CAMTA1: variants seen among roughly 807,000 people sequenced by gnomAD.
CAMTA1 encodes calmodulin-binding transcription activator 1.
CAMTA1 carries 27 observed loss-of-function variants against 170.9 expected under a neutral mutation model. That is an observed-to-expected ratio of 0.16 (90% CI 0.12 to 0.22). The LOEUF is 0.22. CAMTA1 is among the 10% of genes least tolerant of loss of function. The probability of loss-of-function intolerance (pLI) is 1.00; values close to 1 mark genes in which losing one functional copy is unlikely to be tolerated. For synonymous variants in CAMTA1, 833 were observed against 891.5 expected (o/e 0.93, Z 1.17); for missense variants, 1,619 against 2,217.2 (o/e 0.73, Z 5.42).
intron 5 of CAMTA1, among the ~76,000 whole-genome samples, chr1:7,261,752 A>T (rs953962447): frequency 3.3e-5 from 5 of 152,242 alleles, no homozygotes; most frequent in Non-Finnish European, 7.3e-5. Flanking sequence ...CGGAGCTCCC[A>T]GGTAACATTC....
intron 6 of CAMTA1, among the ~76,000 whole-genome samples, chr1:7,514,825 G>A (rs1435409134): frequency 1.3e-4 from 20 of 152,182 alleles, no homozygotes; most frequent in Admixed American, 1.3e-3. Context: ...CGGGGCCCAA[G>A]AGGCCCGCCC....
At chr1:7,764,503 C>T (rs184147687) in intron 22 of CAMTA1, among the ~76,000 whole-genome samples, 3 of 152,298 alleles carry the variant, frequency 2.0e-5, no homozygotes, top group African/African-American at 4.8e-5. Context: ...ATCAACTTTG[C>T]AGAATACTCA....
chr1:7,735,946 T>A lies in CAMTA1; in HGVS notation c.3067-398T>A, dbSNP rs565800336. On this transcript the variant is annotated intron_variant, in intron 12 of 22. Transcript: ENST00000303635. ...CACCACCACGCCTGGCTAATTTTTGTATTTTTAGTAGAGATGGGGTTAGGG... is the reference window on the plus strand; with the variant it reads ...CACCACCACGCCTGGCTAATTTTTGAATTTTTAGTAGAGATGGGGTTAGGG... Among the ~76,000 whole-genome samples, 5 of 152,168 alleles carry A rather than the reference T, an allele frequency of 3.3e-5. No homozygotes were observed. The East Asian group carries it at 9.7e-4, about 29-fold the overall frequency.
At chr1:7,338,675 A>G (rs968895062) in intron 5 of CAMTA1, among the ~76,000 whole-genome samples, 1 of 152,182 alleles carries the variant, frequency 6.6e-6, no homozygotes, top group Non-Finnish European at 1.5e-5. Flanking sequence ...CACGAGAAAG[A>G]AAAAAAGTAG....
At position 7,199,367 on chromosome 1, in the gene CAMTA1, A is replaced by G. The variant is rs370922291; in HGVS notation, c.303-50124A>G. On this transcript the variant is annotated intron_variant, in intron 4 of 22. Coordinates refer to ENST00000303635, the MANE Select transcript of CAMTA1 (RefSeq NM_015215.4). Reference sequence around the variant, plus strand: ...CTTCTTTTGTTACTCAGTCCATGCGAGGTGGTGGCGTCAGCCCTGCTTCAG... The same window carrying G: ...CTTCTTTTGTTACTCAGTCCATGCGGGGTGGTGGCGTCAGCCCTGCTTCAG... Among the ~76,000 whole-genome samples the G allele has an allele frequency of 3.7e-4, 57 of 152,326 alleles. 1 individual carries two copies. The highest frequency in any genetic ancestry group is 1.3e-3 in the African/African-American group (53 of 41,572).
chr1:7,468,985 C>A (rs1180465079), intron 6 of CAMTA1, among the ~76,000 whole-genome samples: 1 of 152,190 alleles, frequency 6.6e-6, no homozygotes, highest in Non-Finnish European at 1.5e-5. Flanking sequence ...GGAGCCATGT[C>A]GATGTGGAGG....
intron 6 of CAMTA1, among the ~76,000 whole-genome samples, chr1:7,519,360 G>T (rs1557856301): frequency 6.6e-6 from 1 of 151,972 alleles, no homozygotes; most frequent in Non-Finnish European, 1.5e-5. Flanking sequence ...CAGCTCCACA[G>T]GTGGCTCCCC....
At chr1:7,490,023 G>A (rs1436831246) in intron 6 of CAMTA1, among the ~76,000 whole-genome samples, 2 of 152,232 alleles carry the variant, frequency 1.3e-5, no homozygotes, top group African/African-American at 4.8e-5. Flanking sequence ...GGCCTGCTCT[G>A]TGGTGACGTC....
intron 3 of CAMTA1, among the ~76,000 whole-genome samples, chr1:6,916,196 C>T (rs1422135529): frequency 6.6e-6 from 1 of 152,162 alleles, no homozygotes. Context: ...ACCACAGAGA[C>T]CTCCGGGTCT....
intron 5 of CAMTA1, among the ~76,000 whole-genome samples, chr1:7,356,782 C>T (rs1426984012): frequency 2.0e-5 from 3 of 152,228 alleles, no homozygotes; most frequent in Admixed American, 6.5e-5. Flanking sequence ...TTAAATCCTG[C>T]CTCTTCCATC....
At chr1:6,964,767 T>C (rs1283910667) in intron 3 of CAMTA1, among the ~76,000 whole-genome samples, 1 of 152,234 alleles carries the variant, frequency 6.6e-6, no homozygotes, top group Non-Finnish European at 1.5e-5. Flanking sequence ...AGAGGCCTCA[T>C]GCAGGAAGCA....
chr1:6,973,245 T>C (rs1242326334), intron 3 of CAMTA1, among the ~76,000 whole-genome samples: 2 of 152,232 alleles, frequency 1.3e-5, no homozygotes, highest in African/African-American at 2.4e-5. Context: ...CTTGCATGAC[T>C]GAAATTTTAT....
chr1:7,196,449 A>T (rs2148979709), intron 4 of CAMTA1, among the ~76,000 whole-genome samples: 1 of 152,312 alleles, frequency 6.6e-6, no homozygotes, highest in Non-Finnish European at 1.5e-5. Context: ...GCTCTCACAG[A>T]GCCCCTGACC....
intron 4 of CAMTA1, among the ~76,000 whole-genome samples, chr1:7,177,513 C>G (rs1324335366): frequency 6.7e-6 from 1 of 148,274 alleles, no homozygotes; most frequent in Non-Finnish European, 1.5e-5. Context: ...ACTGAGGCCT[C>G]TCCCACACAC....
chr1:7,254,516 T>G (rs996975261), intron 5 of CAMTA1, among the ~76,000 whole-genome samples: 1 of 152,218 alleles, frequency 6.6e-6, no homozygotes, highest in Non-Finnish European at 1.5e-5. Context: ...TTGTATTGCC[T>G]GTAAACAACG....
chr1:7,525,890 G>T (rs1430968360), intron 6 of CAMTA1, among the ~76,000 whole-genome samples: 3 of 151,942 alleles, frequency 2.0e-5, no homozygotes, highest in African/African-American at 4.8e-5. Flanking sequence ...GACAGTGTGG[G>T]TCCCCTGATC....
At chr1:6,904,977 G>T (rs1455242795) in intron 3 of CAMTA1, among the ~76,000 whole-genome samples, 1 of 151,840 alleles carries the variant, frequency 6.6e-6, no homozygotes, top group African/African-American at 2.4e-5. Flanking sequence ...CAGGTTATTC[G>T]TGTGGTTTGC....
chr1:7,535,808 C>T (rs534358890), intron 6 of CAMTA1, among the ~76,000 whole-genome samples: 4 of 152,302 alleles, frequency 2.6e-5, no homozygotes, highest in East Asian at 1.9e-4. Context: ...TACTTTGAGA[C>T]CCACAGGCAC....
intron 5 of CAMTA1, among the ~76,000 whole-genome samples, chr1:7,414,964 G>A (rs2091057173): frequency 1.3e-5 from 2 of 151,208 alleles, no homozygotes; most frequent in African/African-American, 4.8e-5. Context: ...TTGTGTCTTT[G>A]TTCTCATTGG....
Sources: gnomAD v4.1 joint callset for allele counts (sites outside exome capture counted in the v4.1 genomes callset) on GRCh38, gnomAD v4.1.1 for gene constraint, MANE v1.5 for transcripts, NCBI Gene and HGNC (gene_info 2026-07-23, HGNC 2026-07-21) for gene names.